Variants in KSR1 observed in about 807,000 individuals in gnomAD.
KSR1 encodes kinase suppressor of ras 1.
In KSR1, 35 loss-of-function variants were observed where a neutral mutation model predicts 92.9. The observed-to-expected ratio is 0.38, with a 90% CI of 0.29 to 0.50. The LOEUF is 0.50. KSR1 is among the 20% of genes least tolerant of loss of function. The probability of loss-of-function intolerance (pLI) is 0.94; values close to 1 mark genes in which losing one functional copy is unlikely to be tolerated. For missense variants in KSR1, 972 were observed against 1,158.5 expected (o/e 0.84, Z 2.34); for synonymous variants, 467 against 472.6 (o/e 0.99, Z 0.15).
chr17:27,528,458 A>G lies in KSR1; in HGVS notation c.232-22110A>G, dbSNP rs532112006. ...GTAATTTGTTAAAGGTCACACCGCT[A>G]GAAAAGAGTGGATCCAGTATGTGAG... On this transcript the variant is annotated intron_variant, in intron 1 of 20. Coordinates refer to ENST00000644974, the MANE Select transcript of KSR1 (RefSeq NM_001394583.1). Among the ~76,000 whole-genome samples, 8 of 152,146 alleles carry G rather than the reference A, an allele frequency of 5.3e-5. No homozygotes were observed. In the South Asian group the frequency reaches 1.7e-3, roughly 32 times the overall value.
intron 15 of KSR1, 48 bp downstream of exon 15, chr17:27,608,058 G>T: frequency 7.3e-7 from 1 of 1,369,056 alleles, no homozygotes; most frequent in Non-Finnish European, 1.0e-6. Flanking sequence ...CCGGTTCCAG[G>T]GCTCTCGGCT....
At chr17:27,608,287 A>G (rs1423555916) in intron 15 of KSR1, among the ~76,000 whole-genome samples, 1 of 152,206 alleles carries the variant, frequency 6.6e-6, no homozygotes, top group Non-Finnish European at 1.5e-5. Context: ...AATCCTGGTC[A>G]CACCCTTTGT....
At chr17:27,606,055 G>C (rs1265251726) in intron 14 of KSR1, among the ~76,000 whole-genome samples, 3 of 152,252 alleles carry the variant, frequency 2.0e-5, no homozygotes, top group Non-Finnish European at 4.4e-5. Context: ...CAAGGTGGAA[G>C]GATTGCTTGA....
chr17:27,566,991 T>A (rs1045799162), intron 2 of KSR1, among the ~76,000 whole-genome samples: 14 of 152,022 alleles, frequency 9.2e-5, no homozygotes, highest in African/African-American at 3.4e-4. Flanking sequence ...GACTTTGGGG[T>A]CACACAGACC....
chr17:27,464,841 A>C (rs1459449186), intron 1 of KSR1, among the ~76,000 whole-genome samples: 1 of 152,002 alleles, frequency 6.6e-6, no homozygotes. Context: ...AATCTAGTGC[A>C]CAGGTGTCCA....
chr17:27,591,234 C>A (rs2073156319), intron 7 of KSR1, among the ~76,000 whole-genome samples: 1 of 152,166 alleles, frequency 6.6e-6, no homozygotes, highest in South Asian at 2.1e-4. Flanking sequence ...AGGTGGCAGA[C>A]AGGCGATGGT....
intron 1 of KSR1, among the ~76,000 whole-genome samples, chr17:27,518,451 G>A (rs1452096136): frequency 1.3e-5 from 2 of 152,176 alleles, no homozygotes; most frequent in Non-Finnish European, 2.9e-5. Context: ...TTTGGAAAGT[G>A]TAGCTCACCC....
chr17:27,548,833 A>T (rs534941484), intron 1 of KSR1, among the ~76,000 whole-genome samples: 27 of 152,222 alleles, frequency 1.8e-4, no homozygotes, highest in African/African-American at 3.4e-4. Context: ...CTCAAAAAAA[A>T]AAAAAGAAAA....
At chr17:27,489,413 A>T (rs981051494) in intron 1 of KSR1, among the ~76,000 whole-genome samples, 3 of 152,176 alleles carry the variant, frequency 2.0e-5, no homozygotes, top group Admixed American at 6.5e-5. Flanking sequence ...TTGGGGGTTC[A>T]AGCCCAGGCC....
Position 27,607,968 on chromosome 17 carries a change from G to T in KSR1, c.2049G>T (p.Leu683=). 1 of 1,611,028 alleles carries T rather than the reference G, an allele frequency of 6.2e-7. No individual in the cohort carries two copies. ...HSFVRDPKTS[L]DINKTRQIAQ... ...TTGTGAGGGACCCCAAGACGTCTCT[G>T]GACATCAACAAGACGAGGCAAATCG... The change falls in exon 15 of 21, where the codon CTG becomes CTT. Residue 683 remains leucine, a synonymous_variant. Transcript: ENST00000644974.
chr17:27,605,402 G>T (rs1320373484), intron 13 of KSR1, 32 bp from the exon 14 acceptor site: 1 of 1,595,416 alleles, frequency 6.3e-7, no homozygotes, highest in Non-Finnish European at 8.5e-7. Context: ...CAGATCTGCT[G>T]CCCATCCCTG....
At position 27,582,989 on chromosome 17, in the gene KSR1, G is replaced by C; in HGVS notation, c.864G>C (p.Thr288=). ...RRHTKLKPPR[T]PPPPSRKVFQ... ...ACACCAAGCTGAAGCCACCACGGAC[G>C]CCCCCCCCACCCAGCCGCAAGGTCT... is the stretch of plus-strand genomic sequence containing the variant. The change falls in exon 4 of 21, where the codon ACG becomes ACC. Residue 288 remains threonine (T), a synonymous_variant. Coordinates refer to ENST00000644974, the MANE Select transcript of KSR1 (RefSeq NM_001394583.1). 1 of 1,561,944 alleles carries C rather than the reference G, an allele frequency of 6.4e-7. No homozygotes were observed. The highest frequency in any genetic ancestry group is 8.7e-7 in the Non-Finnish European group (1 of 1,151,186).
chr17:27,501,597 G>A (rs1374031064), intron 1 of KSR1, among the ~76,000 whole-genome samples: 1 of 152,140 alleles, frequency 6.6e-6, no homozygotes, highest in Non-Finnish European at 1.5e-5. Flanking sequence ...CTACATCCCA[G>A]CTGCTCCAGC....
At chr17:27,579,085 C>G (rs1156788232) in intron 3 of KSR1, 1 of 152,276 alleles carries the variant, frequency 6.6e-6, no homozygotes, top group Admixed American at 6.5e-5. Context: ...CATTTAGTCT[C>G]AGCTTGTGGT....
intron 1 of KSR1, among the ~76,000 whole-genome samples, chr17:27,545,958 C>T (rs1465517403): frequency 1.3e-5 from 2 of 152,228 alleles, no homozygotes; most frequent in East Asian, 1.9e-4. Flanking sequence ...AGGCAGGACC[C>T]TTGAAGGCCA....
chr17:27,596,135 C>T (rs1008761426), intron 9 of KSR1, among the ~76,000 whole-genome samples: 1 of 152,194 alleles, frequency 6.6e-6, no homozygotes, highest in Non-Finnish European at 1.5e-5. Context: ...ATGATCCCTA[C>T]AGATAGAAAG....
intron 6 of KSR1, among the ~76,000 whole-genome samples, chr17:27,590,057 A>G (rs145307134): frequency 7.2e-5 from 11 of 152,234 alleles, no homozygotes; most frequent in African/African-American, 1.7e-4. Context: ...GTGTGTGTGT[A>G]TGTGAATTTA....
At chr17:27,499,817 A>G (rs2069113392) in intron 1 of KSR1, among the ~76,000 whole-genome samples, 1 of 152,226 alleles carries the variant, frequency 6.6e-6, no homozygotes, top group African/African-American at 2.4e-5. Flanking sequence ...AAAATTCATC[A>G]GCCACCACCA....
chr17:27,543,134 G>T (rs866996739), intron 1 of KSR1, among the ~76,000 whole-genome samples: 1 of 152,242 alleles, frequency 6.6e-6, no homozygotes, highest in African/African-American at 2.4e-5. Flanking sequence ...GAAGCCGCCC[G>T]TGGGAGCTCT....
Sources: gnomAD v4.1 joint callset for allele counts (sites outside exome capture counted in the v4.1 genomes callset) on GRCh38, gnomAD v4.1.1 for gene constraint, MANE v1.5 for transcripts, NCBI Gene and HGNC (gene_info 2026-07-23, HGNC 2026-07-21) for gene names.